SLC25A53: variants seen among roughly 807,000 people sequenced by gnomAD.
The protein encoded by SLC25A53 is solute carrier family 25 member 53.
SLC25A53 carries 5 observed loss-of-function variants against 15.0 expected under a neutral mutation model. The observed-to-expected ratio is 0.33, with a 90% CI of 0.17 to 0.70. SLC25A53 has a LOEUF of 0.70. Among genes scored for constraint, SLC25A53 ranks in the 30% least tolerant of loss-of-function variants. The pLI is 0.67. For missense variants in SLC25A53, 216 were observed against 241.6 expected, an observed-to-expected ratio of 0.89 and a Z score of 0.70; for synonymous variants, 95 against 100.0, an observed-to-expected ratio of 0.95 and a Z score of 0.30.
chrX:104,105,928 T>C (rs1556355929), intron 1 of SLC25A53, among the ~76,000 whole-genome samples: 1 of 111,965 alleles, frequency 8.9e-6, no homozygotes, highest in African/African-American at 3.2e-5. Context: ...AGCCTAACCT[T>C]TAAGACCTGT....
chrX:104,156,055 C>CAAA (rs11323988), intron 1 of SLC25A53, among the ~76,000 whole-genome samples: 5 of 34,159 alleles, frequency 1.5e-4, no homozygotes, highest in African/African-American at 2.3e-4. Context: ...GACTCCTTAT[C>CAAA]AAAAAAAAAA....
chrX:104,113,356 T>A (rs569128462), intron 1 of SLC25A53: 39 of 110,626 alleles, frequency 3.5e-4, no homozygotes, highest in Middle Eastern at 4.7e-3. Context: ...CTGGCGACAG[T>A]GGAGGCGGTG....
At chrX:104,114,819 G>C in intron 1 of SLC25A53, 1 of 1,210,621 alleles carries the variant, frequency 8.3e-7, no homozygotes, top group Non-Finnish European at 1.1e-6. Flanking sequence ...AAAGGTCTGA[G>C]CCAATAATGG....
chrX:104,151,835 A>C (rs955353110), intron 1 of SLC25A53, among the ~76,000 whole-genome samples: 1 of 111,872 alleles, frequency 8.9e-6, no homozygotes, highest in Middle Eastern at 4.6e-3. Context: ...TCAAACTTAC[A>C]TAAGTTTGTT....
rs192582528 is a variant in SLC25A53, at chrX:104,146,198, G to A, written c.-32+10680C>T. On this transcript the variant is annotated intron_variant, in intron 1 of 1. Transcript: ENST00000594199. ...AACCCATCACATGAACAGAAAAAAC[G>A]ACAAAAACCACGATTATCTCAATAG... Among the ~76,000 whole-genome samples the A allele has an allele frequency of 9.0e-3, 1,007 of 111,899 alleles. 4 individuals are homozygous for A. The highest frequency in any genetic ancestry group is 0.013 in the Non-Finnish European group (706 of 53,200).
chrX:104,116,592 G>A (rs2075377699), intron 1 of SLC25A53, among the ~76,000 whole-genome samples: 1 of 111,409 alleles, frequency 9.0e-6, no homozygotes, highest in Non-Finnish European at 1.9e-5. Context: ...AGAAACTGCA[G>A]ACCCACAGGT....
chrX:104,156,056 A>G (rs1417866415), intron 1 of SLC25A53, among the ~76,000 whole-genome samples: 1 of 84,159 alleles, frequency 1.2e-5, no homozygotes, highest in Non-Finnish European at 2.0e-5. Context: ...ACTCCTTATC[A>G]AAAAAAAAAA....
At chrX:104,111,028 G>A (rs1353414282) in intron 1 of SLC25A53, among the ~76,000 whole-genome samples, 2 of 112,581 alleles carry the variant, frequency 1.8e-5, no homozygotes, top group Admixed American at 9.3e-5. Flanking sequence ...GAAGGACCTC[G>A]GGTAGGAACC....
intron 1 of SLC25A53, chrX:104,114,744 G>A: frequency 3.3e-6 from 4 of 1,211,968 alleles, no homozygotes; most frequent in Non-Finnish European, 4.5e-6. Flanking sequence ...ATTTCCTGGA[G>A]TTAATCAAGA....
At chrX:104,155,480 A>G (rs1489381210) in intron 1 of SLC25A53, among the ~76,000 whole-genome samples, 2 of 111,395 alleles carry the variant, frequency 1.8e-5, no homozygotes, top group African/African-American at 6.5e-5. Flanking sequence ...GATTCACAGG[A>G]AAGTTTGAGA....
chrX:104,112,553 A>C (rs1556359457), intron 1 of SLC25A53: 2 of 113,706 alleles, frequency 1.8e-5, no homozygotes, highest in Non-Finnish European at 3.7e-5. Flanking sequence ...AGAGACTGAA[A>C]GCAACCGCGG....
At position 104,149,028 on chromosome X, in the gene SLC25A53, A is replaced by G. The variant is rs1315305872; in HGVS notation, c.-32+7850T>C. On this transcript the variant is annotated intron_variant, in intron 1 of 1. Transcript: ENST00000594199. ...TATAGATTTTTCATTTATCCACAGC[A>G]GTTTCATTTAGCATAATGGATAAAT... is the stretch of plus-strand genomic sequence containing the variant. Among the ~76,000 whole-genome samples, 13 of 112,174 alleles carry G rather than the reference A, an allele frequency of 1.2e-4. No homozygotes were observed. The Admixed American group carries it at 1.2e-3, about 11-fold the overall frequency.
intron 1 of SLC25A53, among the ~76,000 whole-genome samples, chrX:104,151,865 G>A (rs114127740): frequency 0.039 from 4,323 of 111,545 alleles, 177 homozygotes; most frequent in African/African-American, 0.13. Flanking sequence ...CACATTTCAC[G>A]GAAAATAACA....
chrX:104,130,993 C>T (rs1396657224), intron 1 of SLC25A53: 3 of 111,937 alleles, frequency 2.7e-5, no homozygotes, highest in Non-Finnish European at 5.6e-5. Flanking sequence ...GCAAAGCTCA[C>T]TAGAGAATTC....
At chrX:104,151,149 C>T (rs1318227533) in intron 1 of SLC25A53, among the ~76,000 whole-genome samples, 1 of 111,564 alleles carries the variant, frequency 9.0e-6, no homozygotes, top group African/African-American at 3.3e-5. Flanking sequence ...TCTGGTCCCC[C>T]AGGTTTCCTC....
At chrX:104,151,977 A>C (rs782422127) in intron 1 of SLC25A53, among the ~76,000 whole-genome samples, 5 of 112,122 alleles carry the variant, frequency 4.5e-5, no homozygotes, top group Non-Finnish European at 5.6e-5. Flanking sequence ...ATCACGTGCA[A>C]AAGTTGATTA....
intron 1 of SLC25A53, among the ~76,000 whole-genome samples, chrX:104,129,661 A>G (rs1170738590): frequency 9.1e-6 from 1 of 110,297 alleles, no homozygotes; most frequent in East Asian, 2.8e-4. Context: ...CACTGCAAGT[A>G]TCGATTTGGG....
intron 1 of SLC25A53, among the ~76,000 whole-genome samples, chrX:104,122,739 TGAG>T (rs1210012281): frequency 9.0e-6 from 1 of 111,660 alleles, no homozygotes; most frequent in Non-Finnish European, 1.9e-5. Context: ...TTTGGGAGTC[TGAG>T]AAGAAATACC....
intron 1 of SLC25A53, among the ~76,000 whole-genome samples, chrX:104,110,356 C>T (rs1556357793): frequency 2.7e-5 from 3 of 111,505 alleles, no homozygotes; most frequent in Middle Eastern, 4.6e-3. Context: ...CACTTTCCAG[C>T]CTCCACCACC....
Sources: gnomAD v4.1 joint callset for allele counts (sites outside exome capture counted in the v4.1 genomes callset) on GRCh38, gnomAD v4.1.1 for gene constraint, MANE v1.5 for transcripts, NCBI Gene and HGNC (gene_info 2026-07-23, HGNC 2026-07-21) for gene names.